Variants in CDH13 observed in about 807,000 individuals in gnomAD.
CDH13 encodes the protein cadherin-13.
Under a neutral mutation model 63.8 loss-of-function variants are expected in CDH13, and 24 were observed. The observed-to-expected ratio is 0.38, with a 90% CI of 0.27 to 0.53. The LOEUF (loss-of-function observed/expected upper bound fraction) is 0.53, where lower values mean the gene tolerates loss of function less well. Ranked by LOEUF, CDH13 falls within the 20% of genes least tolerant of loss-of-function variation. The pLI, the probability that CDH13 is intolerant of heterozygous loss-of-function variation, is 0.85. For missense variants in CDH13, 1,049 were observed against 903.1 expected (o/e 1.16, Z -2.07); for synonymous variants, 503 against 355.3 (o/e 1.42, Z -4.67).
intron 7 of CDH13, among the ~76,000 whole-genome samples, chr16:83,520,575 C>T (rs1026111869): frequency 6.6e-6 from 1 of 152,158 alleles, no homozygotes; most frequent in African/African-American, 2.4e-5. Context: ...TGCATGGATC[C>T]ACTCTATGGT....
At chr16:83,627,306 A>T (rs1910399878) in intron 8 of CDH13, among the ~76,000 whole-genome samples, 1 of 152,128 alleles carries the variant, frequency 6.6e-6, no homozygotes, top group Admixed American at 6.5e-5. Flanking sequence ...AGAAAAAAAA[A>T]GATTCCTATT....
intron 1 of CDH13, among the ~76,000 whole-genome samples, chr16:82,746,613 C>G (rs974186219): frequency 6.6e-6 from 1 of 151,450 alleles, no homozygotes. Context: ...TTTAAAAAAC[C>G]AAGAGGCATA....
At chr16:83,007,824 C>T in intron 2 of CDH13, among the ~76,000 whole-genome samples, 1 of 125,076 alleles carries the variant, frequency 8.0e-6, no homozygotes, top group Non-Finnish European at 1.7e-5. Flanking sequence ...ACGACTCTGT[C>T]AAAAAAAAAA....
chr16:82,629,605 G>A (rs968791788), intron 1 of CDH13, among the ~76,000 whole-genome samples: 2 of 152,228 alleles, frequency 1.3e-5, no homozygotes, highest in Non-Finnish European at 2.9e-5. Context: ...GTTCAGGCAA[G>A]CCTGTATGTT....
intron 3 of CDH13, among the ~76,000 whole-genome samples, chr16:83,072,238 C>A (rs113973151): frequency 2.0e-5 from 3 of 152,124 alleles, no homozygotes; most frequent in Admixed American, 6.6e-5. Context: ...ATAAAAGATG[C>A]GGTTAAAGAA....
Position 82,952,214 on chromosome 16 carries a change from C to T in CDH13, c.158-79796C>T, listed in dbSNP as rs543979702. ...GAGAACGTGGGTGCTGCCCGAGAAG[C>T]GCATGGGCCTGAGTTCAAGTGCCAC... On this transcript the variant is annotated intron_variant, in intron 2 of 13. Coordinates refer to ENST00000567109, the MANE Select transcript of CDH13 (RefSeq NM_001257.5). 1.6e-3 allele frequency among the ~76,000 whole-genome samples: 241 copies of T among 152,272 alleles called. 1 individual carries two copies. The highest frequency in any genetic ancestry group is 5.1e-3 in the African/African-American group (213 of 41,564).
At chr16:83,421,820 A>G (rs1278555662) in intron 6 of CDH13, among the ~76,000 whole-genome samples, 2 of 152,242 alleles carry the variant, frequency 1.3e-5, no homozygotes, top group African/African-American at 2.4e-5. Context: ...TCTTTCAGAC[A>G]TTGAAATGCT....
chr16:83,751,161 T>TA (rs1913050869), intron 11 of CDH13, among the ~76,000 whole-genome samples: 1 of 152,280 alleles, frequency 6.6e-6, no homozygotes, highest in East Asian at 1.9e-4. Context: ...GCCCAGCACC[T>TA]ACCATGGTGC....
chr16:83,608,423 G>A (rs1472471950), intron 8 of CDH13, among the ~76,000 whole-genome samples: 1 of 152,198 alleles, frequency 6.6e-6, no homozygotes, highest in Non-Finnish European at 1.5e-5. Context: ...CTAAAAGTCA[G>A]TGTGGAGTCC....
intron 5 of CDH13, among the ~76,000 whole-genome samples, chr16:83,320,757 C>G (rs2090205441): frequency 6.6e-6 from 1 of 152,048 alleles, no homozygotes; most frequent in Admixed American, 6.5e-5. Context: ...AGACCAAGCG[C>G]AAGGAATGAG....
At chr16:83,486,303 A>C (rs2073887516) in intron 6 of CDH13, among the ~76,000 whole-genome samples, 174 bp from the exon 7 acceptor site, 1 of 152,194 alleles carries the variant, frequency 6.6e-6, no homozygotes, top group African/African-American at 2.4e-5. Flanking sequence ...TGAAACAGAG[A>C]GGGAAAGGAG....
intron 5 of CDH13, among the ~76,000 whole-genome samples, chr16:83,248,968 C>T (rs1229471490): frequency 6.6e-6 from 1 of 152,190 alleles, no homozygotes. Context: ...GAAGTTATCA[C>T]CAGCTTTCAC....
At chr16:82,713,759 A>G (rs767984627) in intron 1 of CDH13, among the ~76,000 whole-genome samples, 8 of 146,928 alleles carry the variant, frequency 5.4e-5, no homozygotes, top group African/African-American at 1.2e-4. Flanking sequence ...GACTAATTCT[A>G]TGAGCTTGGG....
At chr16:83,152,834 A>G (rs1424249979) in intron 4 of CDH13, among the ~76,000 whole-genome samples, 1 of 152,232 alleles carries the variant, frequency 6.6e-6, no homozygotes, top group Non-Finnish European at 1.5e-5. Flanking sequence ...ACTGAATGAT[A>G]TAGATTGGGT....
At chr16:82,818,114 TTGTGTGTG>T (rs5818411) in intron 1 of CDH13, among the ~76,000 whole-genome samples, 2 of 149,254 alleles carry the variant, frequency 1.3e-5, no homozygotes, top group Non-Finnish European at 3.0e-5. Context: ...ACATGTATGG[TTGTGTGTG>T]TGTGTGTGTG....
chr16:83,139,179 C>T (rs1337380761), intron 4 of CDH13, among the ~76,000 whole-genome samples: 1 of 152,080 alleles, frequency 6.6e-6, no homozygotes, highest in Non-Finnish European at 1.5e-5. Context: ...GGTGGGCGAA[C>T]AGGTTATGTG....
In CDH13 at chr16:83,344,987, C is replaced by A; in HGVS notation, c.762C>A (p.Val254=). ...GGGAAGGCCCCTACATCGGCCACGT[C>A]ATGGAAGGGTCACCCACAGGTATGT... ...IFREGPYIGH[V]MEGSPTGTTV... is the part of the protein sequence containing the mutation. The change falls in exon 6 of 14, where the codon GTC becomes GTA. Residue 254 remains valine, a synonymous_variant. Coordinates refer to ENST00000567109, the MANE Select transcript of CDH13 (RefSeq NM_001257.5). 6.2e-7 allele frequency: 1 copy of A among 1,613,958 alleles called. No individual in the cohort carries two copies. Among genetic ancestry groups the A allele is most frequent in the Non-Finnish European group, 8.5e-7 (1 of 1,179,840 alleles).
At chr16:82,628,571 G>T (rs1236252130) in intron 1 of CDH13, among the ~76,000 whole-genome samples, 2 of 152,176 alleles carry the variant, frequency 1.3e-5, no homozygotes, top group African/African-American at 2.4e-5. Context: ...CCGCTCCCAA[G>T]CTCCTGACTT....
intron 7 of CDH13, among the ~76,000 whole-genome samples, chr16:83,566,844 A>G (rs1474627955): frequency 6.6e-6 from 1 of 152,160 alleles, no homozygotes; most frequent in African/African-American, 2.4e-5. Flanking sequence ...GTCAGCTCCT[A>G]AGAATCACTC....
Sources: gnomAD v4.1 joint callset for allele counts (sites outside exome capture counted in the v4.1 genomes callset) on GRCh38, gnomAD v4.1.1 for gene constraint, MANE v1.5 for transcripts, NCBI Gene and HGNC (gene_info 2026-07-23, HGNC 2026-07-21) for gene names.